NCKAP5: variants seen among roughly 807,000 people sequenced by gnomAD.
NCKAP5 encodes the protein nck-associated protein 5.
A neutral mutation model predicts 167.0 loss-of-function variants in NCKAP5; 92 were observed. The observed-to-expected ratio is 0.55, with a 90% CI of 0.47 to 0.66. The LOEUF (loss-of-function observed/expected upper bound fraction) is 0.66, where lower values mean the gene tolerates loss of function less well. NCKAP5 is among the 30% of genes least tolerant of loss of function. NCKAP5 has a pLI of 0.00. For missense variants in NCKAP5, 2,378 were observed against 2,315.0 expected, an observed-to-expected ratio of 1.03 and a Z score of -0.56; for synonymous variants, 891 against 877.4, an observed-to-expected ratio of 1.02 and a Z score of -0.27.
At chr2:133,160,429 C>A (rs1416052704) in intron 5 of NCKAP5, among the ~76,000 whole-genome samples, 1 of 86,666 alleles carries the variant, frequency 1.2e-5, no homozygotes, top group African/African-American at 5.1e-5. Flanking sequence ...TTTTCTTTTC[C>A]TTTCTTTTTC....
Position 132,887,343 on chromosome 2 carries a change from C to CCA in NCKAP5, c.580-8428_580-8427insTG, listed in dbSNP as rs1237173295. ...TTTATCTATCTATCTATCTATCTAT[C>CCA]TATCTATCCATCCATCCATCTTTCC... On this transcript the variant is annotated intron_variant, in intron 8 of 19. Transcript: ENST00000409261. Among the ~76,000 whole-genome samples the CCA allele has an allele frequency of 2.7e-3, 311 of 116,022 alleles. 2 individuals carry two copies. The highest frequency in any genetic ancestry group is 0.027 in the East Asian group (121 of 4,566). The allele number at this position is 116,022 out of a possible 152,430, so 76.1% of individuals were successfully genotyped here. A position where few individuals can be genotyped will look rare whatever the true frequency, so the allele number is the denominator to read the frequency against.
At chr2:132,991,742 TC>T (rs2077454101) in intron 7 of NCKAP5, among the ~76,000 whole-genome samples, 1 of 152,178 alleles carries the variant, frequency 6.6e-6, no homozygotes, top group Non-Finnish European at 1.5e-5. Flanking sequence ...CTGGCTCCTT[TC>T]AGAGAAATCT....
chr2:133,148,475 C>T (rs1017466856), intron 5 of NCKAP5, among the ~76,000 whole-genome samples: 2 of 152,250 alleles, frequency 1.3e-5, no homozygotes, highest in South Asian at 2.1e-4. Flanking sequence ...AGTGAAATGG[C>T]ATTTGGGCAT....
chr2:133,657,783 C>T, the NCKAP5 span, among the ~76,000 whole-genome samples: 3 of 152,036 alleles, frequency 2.0e-5, no homozygotes. Context: ...AATGGTGGAG[C>T]GGGCTAGGAA....
chr2:133,155,945 A>C (rs975702212), intron 5 of NCKAP5, among the ~76,000 whole-genome samples: 1 of 152,140 alleles, frequency 6.6e-6, no homozygotes, highest in African/African-American at 2.4e-5. Context: ...TTCTGTGGTG[A>C]ACTCTGACTA....
chr2:133,101,580 G>A (rs1020930718), intron 6 of NCKAP5, among the ~76,000 whole-genome samples: 1 of 151,256 alleles, frequency 6.6e-6, no homozygotes, highest in Non-Finnish European at 1.5e-5. Flanking sequence ...TTATTTCCTT[G>A]AGCAGTGGTT....
intron 5 of NCKAP5, 61 bp from the exon 6 acceptor site, chr2:133,130,172 G>T: frequency 6.5e-7 from 1 of 1,546,550 alleles, no homozygotes; most frequent in South Asian, 1.2e-5. Flanking sequence ...ATAAGAAATA[G>T]CTGGTTATCA....
intron 5 of NCKAP5, among the ~76,000 whole-genome samples, chr2:133,193,232 G>A (rs1241939043): frequency 6.6e-6 from 1 of 152,100 alleles, no homozygotes; most frequent in Non-Finnish European, 1.5e-5. Flanking sequence ...ATTAATGGGT[G>A]CCAGAGTTAT....
intron 11 of NCKAP5, among the ~76,000 whole-genome samples, chr2:132,804,622 G>T (rs1264170798): frequency 1.3e-5 from 2 of 152,006 alleles, no homozygotes; most frequent in Non-Finnish European, 2.9e-5. Context: ...TCCATTGATG[G>T]TCACTAGAAT....
intron 3 of NCKAP5, among the ~76,000 whole-genome samples, chr2:133,372,099 T>C (rs749176358): frequency 1.3e-5 from 2 of 152,170 alleles, no homozygotes; most frequent in African/African-American, 2.4e-5. Flanking sequence ...AAGAGCCCTG[T>C]TGTTTCTGGC....
At chr2:133,632,790 T>C in the NCKAP5 span, among the ~76,000 whole-genome samples, 2 of 152,204 alleles carry the variant, frequency 1.3e-5, no homozygotes, top group South Asian at 2.1e-4. Context: ...AAAACTTACA[T>C]CTTAATAGAG....
At chr2:133,619,328 A>G in the NCKAP5 span, among the ~76,000 whole-genome samples, 1 of 151,862 alleles carries the variant, frequency 6.6e-6, no homozygotes, top group Non-Finnish European at 1.5e-5. Flanking sequence ...ATAAAATAAA[A>G]AATCAAAAAT....
At chr2:133,140,814 CAAATT>C (rs1049913463) in intron 5 of NCKAP5, among the ~76,000 whole-genome samples, 1 of 148,728 alleles carries the variant, frequency 6.7e-6, no homozygotes, top group African/African-American at 2.5e-5. Flanking sequence ...AAATGAATAA[CAAATT>C]ATATACAAAA....
chr2:132,825,304 T>C (rs539658609), intron 11 of NCKAP5, among the ~76,000 whole-genome samples: 2 of 152,222 alleles, frequency 1.3e-5, no homozygotes, highest in East Asian at 1.9e-4. Context: ...AGGATGACCA[T>C]CCACAAAAAT....
intron 4 of NCKAP5, among the ~76,000 whole-genome samples, chr2:133,295,065 C>A (rs889337836): frequency 1.3e-5 from 2 of 152,158 alleles, no homozygotes; most frequent in Non-Finnish European, 2.9e-5. Flanking sequence ...GAGGCTTTGA[C>A]TTCCCCTCAG....
rs70973407 is a variant in NCKAP5 at position 132,794,263 on chromosome 2, T to TAGAGAGAGAGAG, written c.909+2353_909+2364dup. Reference sequence around the variant, plus strand: ...ATATATATATATATATATATATATATAGAGAGAGAGAGAGAGAGAGAGAGA... The same window carrying TAGAGAGAGAGAG: ...ATATATATATATATATATATATATATAGAGAGAGAGAGAGAGAGAGAGAGAGAGAGAGAGAGA... On this transcript the variant is annotated intron_variant, in intron 12 of 19. Coordinates refer to ENST00000409261, the MANE Select transcript of NCKAP5 (RefSeq NM_207363.3). Among the ~76,000 whole-genome samples, 57 of 11,908 alleles carry TAGAGAGAGAGAG rather than the reference T, an allele frequency of 4.8e-3. 3 individuals carry two copies. Among genetic ancestry groups the TAGAGAGAGAGAG allele is most frequent in the Non-Finnish European group, 7.9e-3 (45 of 5,722 alleles). 7.8% of individuals were successfully genotyped at this position (11,908 alleles called of 152,430 possible). A position where few individuals can be genotyped will look rare whatever the true frequency, so the allele number is the denominator to read the frequency against.
At chr2:132,775,178 T>G (rs1682443816) in intron 15 of NCKAP5, among the ~76,000 whole-genome samples, 1 of 152,256 alleles carries the variant, frequency 6.6e-6, no homozygotes, top group African/African-American at 2.4e-5. Context: ...TTGAGTTGAA[T>G]GCCAAGAAAT....
intron 5 of NCKAP5, among the ~76,000 whole-genome samples, chr2:133,154,041 C>T (rs2149900665): frequency 6.6e-6 from 1 of 151,996 alleles, no homozygotes; most frequent in African/African-American, 2.4e-5. Flanking sequence ...GGGGTTTTGC[C>T]ATTTTGGCCA....
In NCKAP5 at chr2:132,779,621, T is replaced by G. The variant is rs373847360; in HGVS notation, c.5049+1431A>C. On this transcript the variant is annotated intron_variant, in intron 15 of 19. Transcript: ENST00000409261. Reference sequence around the variant, plus strand: ...GAAAGAAAAAAAAAAAAAAAACTTTTGCAACGAACATAATCTGCATATAAT... The same window carrying G: ...GAAAGAAAAAAAAAAAAAAAACTTTGGCAACGAACATAATCTGCATATAAT... Among the ~76,000 whole-genome samples, 27 of 152,138 alleles carry G rather than the reference T, an allele frequency of 1.8e-4. No individual in the cohort carries two copies. The East Asian group carries it at 5.0e-3, about 28-fold the overall frequency.
Sources: allele counts gnomAD v4.1 joint callset (sites outside exome capture counted in the v4.1 genomes callset), GRCh38; gene constraint gnomAD v4.1.1; transcripts MANE v1.5; gene names NCBI Gene and HGNC (gene_info 2026-07-23, HGNC 2026-07-21).